SLC7A14: variants seen among roughly 807,000 people sequenced by gnomAD.
The protein encoded by SLC7A14 is solute carrier family 7 member 14, also known as gamma-aminobutyric acid transporter SLC7A14.
Under a neutral mutation model 60.2 loss-of-function variants are expected in SLC7A14, and 37 were observed. That is an observed-to-expected ratio of 0.61 (90% CI 0.47 to 0.81). The LOEUF (loss-of-function observed/expected upper bound fraction) is 0.81, where lower values mean the gene tolerates loss of function less well. Ranked by LOEUF, SLC7A14 falls within the 30% of genes least tolerant of loss-of-function variation. The probability of loss-of-function intolerance (pLI) is 0.00; values close to 1 mark genes in which losing one functional copy is unlikely to be tolerated. For synonymous variants in SLC7A14, 399 were observed against 395.8 expected, an observed-to-expected ratio of 1.01 and a Z score of -0.10; for missense variants, 886 against 982.7, an observed-to-expected ratio of 0.90 and a Z score of 1.32.
rs1443825834 is a variant in SLC7A14, at chr3:170,480,937, T to C, written c.1345A>G (p.Thr449Ala). 6.2e-7 allele frequency: 1 copy of C among 1,613,916 alleles called. No individual in the cohort carries two copies. The highest frequency in any genetic ancestry group is 1.3e-5 in the African/African-American group (1 of 74,854). Reference protein sequence around the residue: ...GFVKFLSEEHTKKKEGILADC... With the variant: ...GFVKFLSEEHAKKKEGILADC... ...GCCAGAATGCCCTCCTTCTTCTTGGTGTGCTCCTCAGACAAGAACTTGACA... is the reference window on the plus strand; with the variant it reads ...GCCAGAATGCCCTCCTTCTTCTTGGCGTGCTCCTCAGACAAGAACTTGACA... Residue 449 changes from threonine to alanine, a missense_variant, in exon 7 of 8, where the codon ACC becomes GCC. Physicochemically the swap from Thr to Ala is moderately conservative, Grantham distance 58. Coordinates refer to ENST00000231706, the MANE Select transcript of SLC7A14 (RefSeq NM_020949.3).
chr3:170,581,981 A>T (rs1162399676), intron 1 of SLC7A14, among the ~76,000 whole-genome samples: 1 of 152,172 alleles, frequency 6.6e-6, no homozygotes, highest in Non-Finnish European at 1.5e-5. Flanking sequence ...TTGGATTTTG[A>T]ATTGGAACTT....
chr3:170,496,804 G>A (rs574692816), intron 4 of SLC7A14, among the ~76,000 whole-genome samples: 4 of 152,308 alleles, frequency 2.6e-5, no homozygotes, highest in African/African-American at 7.2e-5. Flanking sequence ...CACCGGCTCC[G>A]CCAGGGCCAT....
At position 170,498,716 on chromosome 3, in the gene SLC7A14, T is replaced by A. The variant is rs780039912; in HGVS notation, c.710A>T (p.Asn237Ile). The change falls in exon 4 of 8, where the codon AAT becomes ATT. Residue 237 changes from asparagine (N) to isoleucine (I), a missense_variant. Transcript: ENST00000231706. The part of the protein sequence containing the change: ...FIMIAGLFFI[N>I]GKYWAEGQFL... Reference sequence around the variant, plus strand: ...CTGGCCCTCCGCCCAGTATTTCCCATTGATGAAGAAGAGGCCTGCGATCAT... The same window carrying A: ...CTGGCCCTCCGCCCAGTATTTCCCAATGATGAAGAAGAGGCCTGCGATCAT... 1.1e-5 allele frequency: 18 copies of A among 1,614,044 alleles called. No individual in the cohort carries two copies. In the East Asian group the frequency reaches 3.3e-4, roughly 30 times the overall value.
In SLC7A14 at chr3:170,463,865, C is replaced by T. The variant is rs544390424; in HGVS notation, c.*3190G>A. ...CACACTATATGCCAGGCACATGTAG[C>T]TAGCAAAATCTAGGTTTGAAGCTTA... On this transcript the variant is annotated 3_prime_UTR_variant, in exon 8 of 8. Transcript: ENST00000231706. 1 of 152,306 alleles carries T rather than the reference C, an allele frequency of 6.6e-6. No individual in the cohort carries two copies. The highest frequency in any genetic ancestry group is 2.4e-5 in the African/African-American group (1 of 41,570). 9.4% of individuals were successfully genotyped at this position (152,306 alleles called of 1,614,324 possible).
At chr3:170,508,163 C>T (rs1712844336) in intron 2 of SLC7A14, among the ~76,000 whole-genome samples, 1 of 152,102 alleles carries the variant, frequency 6.6e-6, no homozygotes, top group African/African-American at 2.4e-5. Context: ...CAAAGGTGAA[C>T]AGGAAGAATA....
At chr3:170,498,076 T>C (rs1258810672) in intron 4 of SLC7A14, among the ~76,000 whole-genome samples, 1 of 152,244 alleles carries the variant, frequency 6.6e-6, no homozygotes, top group Non-Finnish European at 1.5e-5. Flanking sequence ...CCTAGTGTCA[T>C]ACCCAGGCAA....
chr3:170,568,951 T>A lies in SLC7A14; in HGVS notation c.-153+16960A>T, dbSNP rs547370846. Among the ~76,000 whole-genome samples the A allele has an allele frequency of 1.1e-3, 165 of 152,368 alleles. 1 individual carries two copies. Among genetic ancestry groups the A allele is most frequent in the Non-Finnish European group, 1.7e-3 (114 of 68,040 alleles). On this transcript the variant is annotated intron_variant, in intron 1 of 7. Transcript: ENST00000231706. Reference sequence around the variant, plus strand: ...TTTCTAGATATACAATCATGTCATCTGCAAACAGGGACAATTTGACTTCCT... The same window carrying A: ...TTTCTAGATATACAATCATGTCATCAGCAAACAGGGACAATTTGACTTCCT...
intron 4 of SLC7A14, among the ~76,000 whole-genome samples, chr3:170,492,342 AGTATTGAAAAAAATTAGCTAGGTGT>A (rs1261093807): frequency 1.3e-5 from 2 of 152,306 alleles, no homozygotes; most frequent in East Asian, 3.9e-4. Context: ...ATTAAAAAAT[AGTATTGAAAAAAATTAGCTAGGTGT>A]GGTTGTGTGC....
chr3:170,525,584 C>T (rs1446753832), intron 2 of SLC7A14, among the ~76,000 whole-genome samples: 1 of 151,998 alleles, frequency 6.6e-6, no homozygotes, highest in Non-Finnish European at 1.5e-5. Flanking sequence ...ACTGACTTGT[C>T]ATTTTGCTGC....
intron 2 of SLC7A14, among the ~76,000 whole-genome samples, chr3:170,524,171 A>G (rs1713423515): frequency 6.6e-6 from 1 of 152,172 alleles, no homozygotes; most frequent in Non-Finnish European, 1.5e-5. Context: ...GTAAAGGTTT[A>G]ACAACTAATT....
chr3:170,494,955 C>T (rs1712334147), intron 4 of SLC7A14, among the ~76,000 whole-genome samples: 1 of 152,214 alleles, frequency 6.6e-6, no homozygotes, highest in African/African-American at 2.4e-5. Context: ...ACCCCAGCCC[C>T]AGAGCTGACT....
chr3:170,467,140 C>G lies in SLC7A14; in HGVS notation c.2231G>C (p.Ser744Thr). Residue 744 changes from serine (S) to threonine (T), a missense_variant, in exon 8 of 8, where the codon AGT becomes ACT. Ser to Thr is a moderately conservative substitution (Grantham distance 58, BLOSUM62 1). Transcript: ENST00000231706. ...MSDAKANGRT[S>T]SKAKSKSKHK... ...TTTGCTTTTGCTCTTCGCTTTGCTA[C>G]TTGTCCGGCCGTTTGCCTTCGCATC... The G allele has an allele frequency of 6.2e-7, 1 of 1,614,254 alleles. No homozygotes were observed. Among genetic ancestry groups the G allele is most frequent in the Non-Finnish European group, 8.5e-7 (1 of 1,180,048 alleles).
At chr3:170,503,523 C>T (rs1486780774) in intron 2 of SLC7A14, among the ~76,000 whole-genome samples, 1 of 152,118 alleles carries the variant, frequency 6.6e-6, no homozygotes, top group Non-Finnish European at 1.5e-5. Flanking sequence ...AGTGAAGATG[C>T]AACTCACTTC....
At chr3:170,575,618 G>A (rs956280803) in intron 1 of SLC7A14, among the ~76,000 whole-genome samples, 12 of 152,184 alleles carry the variant, frequency 7.9e-5, no homozygotes, top group African/African-American at 2.7e-4. Context: ...TCAATTGATG[G>A]CTAAAATTCC....
At chr3:170,520,942 C>T (rs1713322691) in intron 2 of SLC7A14, among the ~76,000 whole-genome samples, 1 of 152,196 alleles carries the variant, frequency 6.6e-6, no homozygotes. Context: ...CATCCTGCCT[C>T]CACCCTTCAG....
In SLC7A14 at chr3:170,480,353, G is replaced by A. The variant is rs200812247; in HGVS notation, c.1929C>T (p.Asn643=). The change falls in exon 7 of 8, where the codon AAC becomes AAT. Residue 643 remains asparagine, a synonymous_variant. Transcript: ENST00000231706. Reference sequence around the variant, plus strand: ...TGGAGAGCTTTAGCATGAGATAGATGTTCACCAGCATGGCAAAGGCAGGCA... The same window carrying A: ...TGGAGAGCTTTAGCATGAGATAGATATTCACCAGCATGGCAAAGGCAGGCA... ...PFVPAFAMLV[N]IYLMLKLSTI... is the part of the protein sequence containing the mutation. The A allele has an allele frequency of 4.3e-4, 684 of 1,596,540 alleles. 7 individuals carry two copies. In the South Asian group the frequency reaches 7.1e-3, roughly 17 times the overall value.
Position 170,496,667 on chromosome 3 carries a change from A to T in SLC7A14, c.759+2000T>A, listed in dbSNP as rs529378107. 2.4e-3 allele frequency: 2,924 copies of T among 1,197,010 alleles called. 14 individuals are homozygous for T. The highest frequency in any genetic ancestry group is 3.3e-3 in the Non-Finnish European group (2,695 of 807,450). 74.1% of individuals were successfully genotyped at this position (1,197,010 alleles called of 1,614,324 possible). On this transcript the variant is annotated intron_variant, in intron 4 of 7. Coordinates refer to ENST00000231706, the MANE Select transcript of SLC7A14 (RefSeq NM_020949.3). ...TCTGGGATGCAGAACACGAGTATCC[A>T]TAGGAAGACCACCAGCGGCTATGCA... is the stretch of plus-strand genomic sequence containing the variant.
intron 7 of SLC7A14, among the ~76,000 whole-genome samples, chr3:170,477,942 C>G (rs1711677151): frequency 6.6e-6 from 1 of 152,180 alleles, no homozygotes; most frequent in African/African-American, 2.4e-5. Context: ...TTGACAAATA[C>G]ATGACTGAAA....
At chr3:170,516,686 G>A (rs1015317749) in intron 2 of SLC7A14, among the ~76,000 whole-genome samples, 2 of 152,198 alleles carry the variant, frequency 1.3e-5, no homozygotes, top group Non-Finnish European at 2.9e-5. Context: ...AGGATCACTC[G>A]GGCCCAGGAG....
Sources: allele counts gnomAD v4.1 joint callset (sites outside exome capture counted in the v4.1 genomes callset), GRCh38; gene constraint gnomAD v4.1.1; transcripts MANE v1.5; gene names NCBI Gene and HGNC (gene_info 2026-07-23, HGNC 2026-07-21).